HPSE2: variants seen among roughly 807,000 people sequenced by gnomAD.
HPSE2 encodes the protein inactive heparanase-2.
Under a neutral mutation model 60.5 loss-of-function variants are expected in HPSE2, and 38 were observed. The observed-to-expected ratio is 0.63, with a 90% CI of 0.48 to 0.82. HPSE2 has a LOEUF of 0.82. Ranked by LOEUF, HPSE2 falls within the 40% of genes least tolerant of loss-of-function variation. The pLI, the probability that HPSE2 is intolerant of heterozygous loss-of-function variation, is 0.00. For missense variants in HPSE2, 713 were observed against 740.4 expected (o/e 0.96, Z 0.43); for synonymous variants, 295 against 293.2 (o/e 1.01, Z -0.06).
chr10:98,961,133 G>T (rs1383687754), intron 3 of HPSE2, among the ~76,000 whole-genome samples: 1 of 21,292 alleles, frequency 4.7e-5, no homozygotes, highest in Non-Finnish European at 9.3e-5. Flanking sequence ...TCTTAATCCA[G>T]TCTATCATTG....
chr10:99,040,601 C>T (rs772140144), intron 3 of HPSE2, among the ~76,000 whole-genome samples: 38 of 151,968 alleles, frequency 2.5e-4, no homozygotes, highest in Admixed American at 5.2e-4. Context: ...TCAAATCTGC[C>T]GCTCATTTAT....
intron 3 of HPSE2, among the ~76,000 whole-genome samples, chr10:99,042,861 A>T (rs1957771256): frequency 6.6e-6 from 1 of 152,168 alleles, no homozygotes; most frequent in African/African-American, 2.4e-5. Flanking sequence ...AAATGTCAGA[A>T]ACTATAAAAG....
At chr10:98,776,903 G>A (rs539537896) in intron 3 of HPSE2, among the ~76,000 whole-genome samples, 32 of 152,256 alleles carry the variant, frequency 2.1e-4, no homozygotes, top group African/African-American at 7.5e-4. Flanking sequence ...CATGCTAAGG[G>A]CTAAAATGTC....
At chr10:98,801,840 A>C (rs1042119360) in intron 3 of HPSE2, among the ~76,000 whole-genome samples, 1 of 152,146 alleles carries the variant, frequency 6.6e-6, no homozygotes, top group Non-Finnish European at 1.5e-5. Context: ...TAGAAAAAAC[A>C]ATCCTAAAAT....
At chr10:99,021,813 T>TAGA (rs1957268814) in intron 3 of HPSE2, among the ~76,000 whole-genome samples, 1 of 94,020 alleles carries the variant, frequency 1.1e-5, no homozygotes. Flanking sequence ...AGTTAATGAC[T>TAGA]ATCTACACCA....
rs186751858 is a variant in HPSE2 at position 98,881,963 on chromosome 10, T to C, written c.611-137907A>G. Among the ~76,000 whole-genome samples the C allele has an allele frequency of 2.5e-3, 385 of 152,236 alleles. 1 individual carries two copies. Among genetic ancestry groups the C allele is most frequent in the Middle Eastern group, 0.02 (6 of 294 alleles). ...GGCTATGTGACTTGTTTTGGGCTCATGGTTGGCAGAGTTTACTTCCCCTCC... is the reference window on the plus strand; with the variant it reads ...GGCTATGTGACTTGTTTTGGGCTCACGGTTGGCAGAGTTTACTTCCCCTCC... On this transcript the variant is annotated intron_variant, in intron 3 of 11. Coordinates refer to ENST00000370552, the MANE Select transcript of HPSE2 (RefSeq NM_021828.5).
chr10:98,567,292 G>A (rs559252036), intron 9 of HPSE2, among the ~76,000 whole-genome samples: 1 of 152,314 alleles, frequency 6.6e-6, no homozygotes, highest in African/African-American at 2.4e-5. Context: ...ATGGTTGGGT[G>A]AACTTTACTC....
chr10:99,224,726 G>A (rs145450989), intron 2 of HPSE2, among the ~76,000 whole-genome samples: 220 of 152,178 alleles, frequency 1.4e-3, no homozygotes, highest in African/African-American at 4.9e-3. Context: ...AATGAATTTG[G>A]CAGATGAAAT....
At chr10:98,699,034 G>A (rs1261479968) in intron 5 of HPSE2, among the ~76,000 whole-genome samples, 2 of 152,094 alleles carry the variant, frequency 1.3e-5, no homozygotes, top group South Asian at 2.1e-4. Flanking sequence ...AGGACCAGAT[G>A]GATTCACAGC....
At chr10:99,156,850 C>T (rs936360530) in intron 2 of HPSE2, among the ~76,000 whole-genome samples, 1,562 of 81,546 alleles carry the variant, frequency 0.019, 114 homozygotes, top group African/African-American at 0.041. Flanking sequence ...ATCTAGAAAA[C>T]CCCATTGTCT....
chr10:98,735,409 G>C (rs1367138119), intron 4 of HPSE2, among the ~76,000 whole-genome samples: 1 of 150,856 alleles, frequency 6.6e-6, no homozygotes, highest in Non-Finnish European at 1.5e-5. Context: ...CTACAGGGGT[G>C]AAGCCCTCAC....
chr10:98,644,200 A>G (rs186753589), intron 6 of HPSE2, among the ~76,000 whole-genome samples: 6 of 152,310 alleles, frequency 3.9e-5, no homozygotes, highest in Non-Finnish European at 7.4e-5. Flanking sequence ...AAAAACCCAA[A>G]TCTACAATAT....
At chr10:98,541,755 G>A (rs1002926022) in intron 9 of HPSE2, among the ~76,000 whole-genome samples, 14 of 152,134 alleles carry the variant, frequency 9.2e-5, no homozygotes, top group Non-Finnish European at 1.6e-4. Context: ...AGGTGGCAGC[G>A]AGGCTGGGGG....
chr10:98,798,779 A>T (rs1950839368), intron 3 of HPSE2, among the ~76,000 whole-genome samples: 1 of 152,190 alleles, frequency 6.6e-6, no homozygotes, highest in African/African-American at 2.4e-5. Context: ...CACCAGAGAA[A>T]ATCACCTTCA....
chr10:99,076,569 G>T (rs1175016614), intron 3 of HPSE2, among the ~76,000 whole-genome samples: 1 of 152,046 alleles, frequency 6.6e-6, no homozygotes, highest in Non-Finnish European at 1.5e-5. Context: ...TATATTTTTA[G>T]TGGAGACGGG....
At chr10:98,586,267 G>T (rs1353409119) in intron 9 of HPSE2, among the ~76,000 whole-genome samples, 1 of 152,130 alleles carries the variant, frequency 6.6e-6, no homozygotes. Flanking sequence ...ACATATTTCT[G>T]AGTTTATGAG....
chr10:98,713,506 A>G (rs923538119), intron 5 of HPSE2, among the ~76,000 whole-genome samples: 2 of 151,906 alleles, frequency 1.3e-5, no homozygotes, highest in Non-Finnish European at 1.5e-5. Context: ...TTCGAAGTCA[A>G]TGTGATCCAA....
intron 3 of HPSE2, among the ~76,000 whole-genome samples, chr10:98,747,091 T>C (rs990533406): frequency 6.6e-6 from 1 of 152,084 alleles, no homozygotes; most frequent in Non-Finnish European, 1.5e-5. Context: ...AAAAATAATT[T>C]GAGTATTATA....
chr10:99,258,698 T>C, the HPSE2 span, among the ~76,000 whole-genome samples: 1 of 152,214 alleles, frequency 6.6e-6, no homozygotes, highest in African/African-American at 2.4e-5. Context: ...TAGAGCAGAA[T>C]AGAGTCCAAG....
Sources: gnomAD v4.1 joint callset for allele counts (sites outside exome capture counted in the v4.1 genomes callset) on GRCh38, gnomAD v4.1.1 for gene constraint, MANE v1.5 for transcripts, NCBI Gene and HGNC (gene_info 2026-07-23, HGNC 2026-07-21) for gene names.